The following VPS45 variants were observed in gnomAD, a reference collection of about 807,000 sequenced individuals.
VPS45 encodes the protein vacuolar protein sorting 45 homolog, also known as vacuolar protein sorting-associated protein 45.
VPS45 carries 35 observed loss-of-function variants against 75.9 expected under a neutral mutation model. The ratio of observed to expected loss-of-function variants is 0.46; its 90% confidence interval spans 0.35 to 0.61. The LOEUF is 0.61. Ranked by LOEUF, VPS45 falls within the 20% of genes least tolerant of loss-of-function variation. The pLI is 0.00. For missense variants in VPS45, 559 were observed against 685.9 expected, an observed-to-expected ratio of 0.81 and a Z score of 2.07; for synonymous variants, 220 against 238.2, an observed-to-expected ratio of 0.92 and a Z score of 0.70.
chr1:150,110,435 G>T, intron 13 of VPS45, 61 bp from the exon 14 acceptor site: 4 of 1,488,580 alleles, frequency 2.7e-6, no homozygotes, highest in East Asian at 2.3e-5. Flanking sequence ...CTCTGTGTAT[G>T]TAAGTCACAG....
intron 14 of VPS45, among the ~76,000 whole-genome samples, chr1:150,133,427 G>A (rs146727456): frequency 0.022 from 3,279 of 152,172 alleles, 97 homozygotes; most frequent in African/African-American, 0.074. Flanking sequence ...GGTGGTGGGC[G>A]CCTGTAATCC....
intron 7 of VPS45, among the ~76,000 whole-genome samples, chr1:150,080,335 G>A (rs1172656535): frequency 6.6e-6 from 1 of 151,750 alleles, no homozygotes; most frequent in Non-Finnish European, 1.5e-5. Flanking sequence ...GTAGAGATGG[G>A]GTTTCACCAT....
intron 12 of VPS45, among the ~76,000 whole-genome samples, chr1:150,093,135 C>T (rs973670210): frequency 1.3e-5 from 2 of 152,028 alleles, no homozygotes; most frequent in African/African-American, 2.4e-5. Context: ...CGTGAGCCAC[C>T]GCGCCCGGCA....
chr1:150,081,337 T>C lies in VPS45; in HGVS notation c.688-5T>C, dbSNP rs1559907266. ...TACCTTTTTTTTTCATAATTCTTTA[T>C]TTAGTGGACATATCAGGCCATGGTC... On this transcript the variant is annotated splice_region_variant and splice_polypyrimidine_tract_variant and intron_variant, in intron 7 of 14. Transcript: ENST00000644510. 6.3e-7 allele frequency: 1 copy of C among 1,587,564 alleles called. No individual in the cohort carries two copies. Among genetic ancestry groups the C allele is most frequent in the Non-Finnish European group, 8.5e-7 (1 of 1,172,338 alleles).
At chr1:150,073,179 T>G (rs1163542128) in intron 3 of VPS45, among the ~76,000 whole-genome samples, 3 of 152,164 alleles carry the variant, frequency 2.0e-5, no homozygotes, top group Non-Finnish European at 4.4e-5. Context: ...TCATTATTTA[T>G]CTTTATGTTA....
intron 12 of VPS45, among the ~76,000 whole-genome samples, chr1:150,092,837 C>CTTT (rs11451750): frequency 0.071 from 6,737 of 94,368 alleles, 917 homozygotes; most frequent in Non-Finnish European, 0.094. Flanking sequence ...GCTAGCCTTT[C>CTTT]TTTTTTTTTT....
At chr1:150,114,670 C>T (rs141208806) in intron 14 of VPS45, among the ~76,000 whole-genome samples, 10 of 151,324 alleles carry the variant, frequency 6.6e-5, no homozygotes, top group East Asian at 1.9e-4. Context: ...CCAAGGCAGG[C>T]GGATTGCTTG....
chr1:150,110,368 T>G, intron 13 of VPS45, 128 bp from the exon 14 acceptor site: 1 of 932,410 alleles, frequency 1.1e-6, no homozygotes, highest in Non-Finnish European at 1.5e-6. Context: ...AAACCTTTTA[T>G]TCTATTCTGC....
At chr1:150,125,196 T>C (rs1160416472) in intron 14 of VPS45, among the ~76,000 whole-genome samples, 2 of 151,170 alleles carry the variant, frequency 1.3e-5, no homozygotes, top group African/African-American at 4.8e-5. Context: ...AGTAATATTT[T>C]GATACATGTA....
At chr1:150,140,319 G>A (rs1404441596) in intron 14 of VPS45, among the ~76,000 whole-genome samples, 2 of 151,556 alleles carry the variant, frequency 1.3e-5, no homozygotes, top group Non-Finnish European at 2.9e-5. Flanking sequence ...AGGCAGTATA[G>A]CATTATAGTT....
At chr1:150,095,897 G>A (rs1656619931) in intron 13 of VPS45, among the ~76,000 whole-genome samples, 1 of 152,128 alleles carries the variant, frequency 6.6e-6, no homozygotes, top group South Asian at 2.1e-4. Flanking sequence ...ACTTAATTGT[G>A]TTTTAAAAGA....
At position 150,091,949 on chromosome 1, in the gene VPS45, C is replaced by G; in HGVS notation, c.1117C>G (p.Leu373Val). ...HSSALQNIKR[L>V]LQNPKVTEFD... Reference sequence around the variant, plus strand: ...TATCTTTCTTCAGAATATAAAAAGGCTTCTGCAGAACCCCAAAGTGACAGA... The same window carrying G: ...TATCTTTCTTCAGAATATAAAAAGGGTTCTGCAGAACCCCAAAGTGACAGA... Residue 373 changes from leucine to valine, a missense_variant, in exon 11 of 15, where the codon CTT becomes GTT. By Grantham distance (32) the Leu-to-Val change is conservative (BLOSUM62 1). Coordinates refer to ENST00000644510, the MANE Select transcript of VPS45 (RefSeq NM_007259.5). 1.2e-6 allele frequency: 2 copies of G among 1,612,888 alleles called. No individual in the cohort carries two copies.
chr1:150,118,731 T>G (rs1233131615), intron 14 of VPS45, among the ~76,000 whole-genome samples: 3 of 152,138 alleles, frequency 2.0e-5, no homozygotes, highest in African/African-American at 7.2e-5. Flanking sequence ...TATATAAAAT[T>G]AAGAAGGTAA....
intron 14 of VPS45, among the ~76,000 whole-genome samples, chr1:150,110,956 G>T (rs1160180130): frequency 6.6e-6 from 1 of 152,026 alleles, no homozygotes; most frequent in African/African-American, 2.4e-5. Flanking sequence ...TTAAAAATTG[G>T]GTTTTTTTTA....
In VPS45 at chr1:150,081,474, A is replaced by G. The variant is rs1176429735; in HGVS notation, c.820A>G (p.Asn274Asp). The G allele has an allele frequency of 6.3e-7, 1 of 1,595,168 alleles. No homozygotes were observed. The highest frequency in any genetic ancestry group is 1.4e-5 in the African/African-American group (1 of 73,384). ...TGCTGAAAATGATGAATTCTATGCT[A>G]ATGTAGGTGGTTTAAATTTTTTTAA... ...LSAENDEFYA[N>D]NMYLNFAEIG... Residue 274 changes from asparagine to aspartate, a missense_variant and splice_region_variant, in exon 8 of 15, where the codon AAT becomes GAT. Physicochemically the swap from Asn to Asp is conservative, Grantham distance 23. Coordinates refer to ENST00000644510, the MANE Select transcript of VPS45 (RefSeq NM_007259.5).
chr1:150,082,875 G>A lies in VPS45; in HGVS notation c.1096G>A (p.Ala366Thr). The change falls in exon 10 of 15, where the codon GCT (alanine) becomes ACT (threonine). Residue 366 changes from alanine to threonine, a missense_variant. Ala to Thr is a moderately conservative substitution (Grantham distance 58). Coordinates refer to ENST00000644510, the MANE Select transcript of VPS45 (RefSeq NM_007259.5). ...GGCCTGTCAAAATGACCATTCTAGT[G>A]CTCTCCAGGTCAGTCCAATTTGATG... ...ELACQNDHSS[A>T]LQNIKRLLQN... The A allele has an allele frequency of 6.2e-7, 1 of 1,613,734 alleles. No homozygotes were observed. Among genetic ancestry groups the A allele is most frequent in the African/African-American group, 1.3e-5 (1 of 75,024 alleles).
intron 12 of VPS45, 51 bp from the exon 13 acceptor site, chr1:150,093,476 G>A: frequency 1.3e-6 from 2 of 1,594,422 alleles, no homozygotes; most frequent in Non-Finnish European, 1.7e-6. Flanking sequence ...ATTAATTCTT[G>A]TGTTGCCAAT....
intron 14 of VPS45, among the ~76,000 whole-genome samples, chr1:150,113,493 T>G (rs963346749): frequency 6.6e-6 from 1 of 152,242 alleles, no homozygotes; most frequent in African/African-American, 2.4e-5. Context: ...GCAGCCTTTC[T>G]TATTCCTCAT....
Position 150,136,536 on chromosome 1 carries a change from C to T in VPS45, c.1626-8173C>T, listed in dbSNP as rs372113748. 2.8e-3 allele frequency among the ~76,000 whole-genome samples: 426 copies of T among 151,956 alleles called. 1 individual carries two copies. The highest frequency in any genetic ancestry group is 0.027 in the Middle Eastern group (8 of 294). On this transcript the variant is annotated intron_variant, in intron 14 of 14. Transcript: ENST00000644510. ...CACCACTGCACTCCAGCCTGGACAA[C>T]GAGAGCGAAACTCCATCTCAAACAA... is the stretch of plus-strand genomic sequence containing the variant.
Sources: gnomAD v4.1 joint callset for allele counts (sites outside exome capture counted in the v4.1 genomes callset) on GRCh38, gnomAD v4.1.1 for gene constraint, MANE v1.5 for transcripts, NCBI Gene and HGNC (gene_info 2026-07-23, HGNC 2026-07-21) for gene names.